CCDC191: variants seen among roughly 807,000 people sequenced by gnomAD.
The protein encoded by CCDC191 is coiled-coil domain-containing protein 191.
Under a neutral mutation model 114.0 loss-of-function variants are expected in CCDC191, and 99 were observed. The ratio of observed to expected loss-of-function variants is 0.87; its 90% CI spans 0.74 to 1.03. The LOEUF (loss-of-function observed/expected upper bound fraction) is 1.03, where lower values mean the gene tolerates loss of function less well. CCDC191 is among the 50% of genes least tolerant of loss of function. The pLI, the probability that CCDC191 is intolerant of heterozygous loss-of-function variation, is 0.00. For synonymous variants in CCDC191, 351 were observed against 376.0 expected (o/e 0.93, Z 0.77); for missense variants, 973 against 1,087.0 (o/e 0.90, Z 1.47).
At chr3:113,973,419 G>C (rs1441036066) in intron 16 of CCDC191, among the ~76,000 whole-genome samples, 2 of 151,854 alleles carry the variant, frequency 1.3e-5, no homozygotes, top group Non-Finnish European at 2.9e-5. Context: ...ACTGTCAACT[G>C]TTTTCTTTTT....
rs543702207 is a variant in CCDC191 at position 114,056,440 on chromosome 3, G to A, written c.27C>T (p.Ser9=). Residue 9 remains serine, a synonymous_variant, in exon 1 of 17, where the codon TCC becomes TCT. Coordinates refer to ENST00000295878, the MANE Select transcript of CCDC191 (RefSeq NM_020817.2). ...TCAGCCCCATCCTTTTCTTTGAGAA[G>A]GACCTTCCCTGAGGCGCCAGGAGCA... MLLAPQGR[S]FSKKRMGLNR... is the part of the protein sequence containing the mutation. The A allele has an allele frequency of 6.2e-7, 1 of 1,614,160 alleles. No individual in the cohort carries two copies. Among genetic ancestry groups the A allele is most frequent in the Non-Finnish European group, 8.5e-7 (1 of 1,180,018 alleles).
chr3:113,969,051 A>G (rs1404674567), intron 16 of CCDC191, among the ~76,000 whole-genome samples: 1 of 152,178 alleles, frequency 6.6e-6, no homozygotes, highest in Admixed American at 6.5e-5. Context: ...AAAGCAAAGA[A>G]AAAGGGGGAG....
In CCDC191 at chr3:114,035,075, G is replaced by C. The variant is rs759607303; in HGVS notation, c.668C>G (p.Ala223Gly). Residue 223 changes from alanine to glycine, a missense_variant, in exon 6 of 17, where the codon GCC becomes GGC. By Grantham distance (60) the Ala-to-Gly change is moderately conservative (BLOSUM62 0). Transcript: ENST00000295878. Reference protein sequence around the residue: ...QRIEKTLKKSAFLEAQCLVQE... With the variant: ...QRIEKTLKKSGFLEAQCLVQE... ...CACCAGACACTGAGCCTCCAAGAAG[G>C]CCGATTTTTTCAGGGTCTTTTCTAT... 2.2e-5 allele frequency: 35 copies of C among 1,613,972 alleles called. No individual in the cohort carries two copies. In the South Asian group the frequency reaches 3.1e-4, roughly 14 times the overall value.
chr3:114,034,858 C>T (rs1371518620), intron 6 of CCDC191, 67 bp downstream of exon 6: 1 of 1,399,090 alleles, frequency 7.1e-7, no homozygotes, highest in African/African-American at 1.4e-5. Context: ...ACTTCAAAAA[C>T]TTCAGAGCAT....
At chr3:114,024,594 G>A (rs555689693) in intron 7 of CCDC191, among the ~76,000 whole-genome samples, 232 of 152,022 alleles carry the variant, frequency 1.5e-3, no homozygotes, top group Non-Finnish European at 2.5e-3. Context: ...GCAAACTATC[G>A]CAAGGACAAA....
At chr3:114,021,075 C>T (rs910802404) in intron 7 of CCDC191, among the ~76,000 whole-genome samples, 1 of 152,048 alleles carries the variant, frequency 6.6e-6, no homozygotes, top group Admixed American at 6.6e-5. Flanking sequence ...CTGAAACATT[C>T]CAGCATCCTG....
intron 7 of CCDC191, among the ~76,000 whole-genome samples, chr3:114,028,527 C>T (rs1228950825): frequency 2.6e-5 from 4 of 151,940 alleles, no homozygotes; most frequent in East Asian, 3.9e-4. Flanking sequence ...CCTCGTGATC[C>T]GCCCGCTTTG....
intron 16 of CCDC191, among the ~76,000 whole-genome samples, chr3:113,976,521 G>T (rs1941360687): frequency 6.6e-6 from 1 of 151,978 alleles, no homozygotes; most frequent in African/African-American, 2.4e-5. Context: ...AGATGAGATG[G>T]TTTGTGCAAA....
intron 13 of CCDC191, among the ~76,000 whole-genome samples, chr3:113,982,688 C>G (rs150590899): frequency 6.6e-6 from 1 of 152,142 alleles, no homozygotes; most frequent in African/African-American, 2.4e-5. Flanking sequence ...TCTTGGCCTT[C>G]TGTCCCTTGT....
At chr3:114,050,744 T>C (rs1156932859) in intron 2 of CCDC191, among the ~76,000 whole-genome samples, 1 of 152,208 alleles carries the variant, frequency 6.6e-6, no homozygotes, top group Non-Finnish European at 1.5e-5. Context: ...TAGAGGGTTG[T>C]CAATACTCAT....
chr3:114,006,770 A>C (rs1319387809), intron 9 of CCDC191, among the ~76,000 whole-genome samples: 1 of 151,768 alleles, frequency 6.6e-6, no homozygotes, highest in Non-Finnish European at 1.5e-5. Flanking sequence ...TGAATAATAT[A>C]TCTCTTTTCT....
intron 1 of CCDC191, among the ~76,000 whole-genome samples, chr3:114,054,669 A>T (rs1464990207): frequency 6.6e-6 from 1 of 151,902 alleles, no homozygotes; most frequent in Non-Finnish European, 1.5e-5. Context: ...AACAACAACA[A>T]CAAAAACTGG....
chr3:114,050,767 G>A (rs530548947), intron 2 of CCDC191, among the ~76,000 whole-genome samples: 9 of 152,238 alleles, frequency 5.9e-5, no homozygotes, highest in Non-Finnish European at 1.0e-4. Flanking sequence ...GGAATTTATA[G>A]AGTTTCGTCT....
chr3:113,988,059 A>ATT (rs202230023), intron 13 of CCDC191, among the ~76,000 whole-genome samples: 10,506 of 151,194 alleles, frequency 0.069, 406 homozygotes, highest in Middle Eastern at 0.11. Context: ...ATATATATAT[A>ATT]TTTAAAGAGG....
In CCDC191 at chr3:113,965,232, C is replaced by A; in HGVS notation, c.2734G>T (p.Val912Leu). 1 of 1,612,240 alleles carries A rather than the reference C, an allele frequency of 6.2e-7. No homozygotes were observed. The highest frequency in any genetic ancestry group is 8.5e-7 in the Non-Finnish European group (1 of 1,179,220). ...KVVEILPDFQ[V>L]PGRYHELYQQ... ...TATAGCTCGTGGTACCTTCCAGGTACCTGGAAGTCTGGAAGAATTTCAACT... is the reference window on the plus strand; with the variant it reads ...TATAGCTCGTGGTACCTTCCAGGTAACTGGAAGTCTGGAAGAATTTCAACT... The change falls in exon 17 of 17, where the codon GTA becomes TTA. Residue 912 changes from valine to leucine, a missense_variant. Transcript: ENST00000295878.
rs2076639289 is a variant in CCDC191, at chr3:114,047,014, G to A, written c.130-282C>T. 7 of 955,906 alleles carry A rather than the reference G, an allele frequency of 7.3e-6. No individual in the cohort carries two copies. The South Asian group carries it at 1.5e-4, about 20-fold the overall frequency. The allele number at this position is 955,906 out of a possible 1,614,324, so 59.2% of individuals were successfully genotyped here. A position where few individuals can be genotyped will look rare whatever the true frequency, so the allele number is the denominator to read the frequency against. On this transcript the variant is annotated intron_variant, in intron 2 of 16. Transcript: ENST00000295878. The stretch of plus-strand genomic sequence containing the variant: ...TTAAGATTTAGATAACTTTTGTTTA[G>A]GGCATTAGTGATAGGATCCTGAGAC...
chr3:113,989,755 G>A (rs1014292554), intron 13 of CCDC191, among the ~76,000 whole-genome samples: 2 of 152,186 alleles, frequency 1.3e-5, no homozygotes, highest in African/African-American at 4.8e-5. Context: ...GGAGGCCAAG[G>A]TGGGAGGATC....
chr3:113,979,307 G>A (rs1182546428), intron 14 of CCDC191, among the ~76,000 whole-genome samples: 3 of 152,172 alleles, frequency 2.0e-5, no homozygotes, highest in African/African-American at 7.2e-5. Context: ...CTGAGTTTTG[G>A]AGTGGGTAGC....
chr3:114,056,500 T>G lies in CCDC191; in HGVS notation c.-34A>C. 6.2e-7 allele frequency: 1 copy of G among 1,613,842 alleles called. No individual in the cohort carries two copies. The highest frequency in any genetic ancestry group is 2.2e-5 in the East Asian group (1 of 44,878). ...TTCGAGCCCGAACCTCGGCCAAAGCTGCAGCAACCGCCCTTCTGCCCGGGC... is the reference window on the plus strand; with the variant it reads ...TTCGAGCCCGAACCTCGGCCAAAGCGGCAGCAACCGCCCTTCTGCCCGGGC... On this transcript the variant is annotated 5_prime_UTR_variant, in exon 1 of 17. Transcript: ENST00000295878.
Sources: gnomAD v4.1 joint callset for allele counts (sites outside exome capture counted in the v4.1 genomes callset) on GRCh38, gnomAD v4.1.1 for gene constraint, MANE v1.5 for transcripts, NCBI Gene and HGNC (gene_info 2026-07-23, HGNC 2026-07-21) for gene names.